Variants in ATR observed in about 807,000 individuals in gnomAD.
ATR encodes the protein serine/threonine-protein kinase ATR.
In ATR, 142 loss-of-function variants were observed where a neutral mutation model predicts 305.3. The observed-to-expected ratio is 0.47, with a 90% CI of 0.41 to 0.53. ATR has a LOEUF of 0.53. Among genes scored for constraint, ATR ranks in the 20% least tolerant of loss-of-function variants. ATR has a pLI of 0.00. For missense variants in ATR, 2,135 were observed against 3,133.1 expected, an observed-to-expected ratio of 0.68 and a Z score of 7.60; for synonymous variants, 1,050 against 1,068.1, an observed-to-expected ratio of 0.98 and a Z score of 0.33.
rs1418821927 is a variant in ATR, at chr3:142,498,739, G to C, written c.5416C>G (p.Gln1806Glu). Residue 1806 changes from glutamine to glutamate, a missense_variant, in exon 32 of 47, where the codon CAG becomes GAG. Transcript: ENST00000350721. ...CTTTTTTTGGCTGATAATAATAGCT[G>C]TCCCAGTCTGACACTCCATGTTGTA... Reference protein sequence around the residue: ...KSTTWSVRLGQLLLSAKKRDI... With the variant: ...KSTTWSVRLGELLLSAKKRDI... The C allele has an allele frequency of 6.2e-7, 1 of 1,614,040 alleles. No individual in the cohort carries two copies. The highest frequency in any genetic ancestry group is 8.5e-7 in the Non-Finnish European group (1 of 1,179,992).
intron 6 of ATR, 100 bp downstream of exon 6, chr3:142,560,163 T>G: frequency 8.5e-7 from 1 of 1,180,958 alleles, no homozygotes; most frequent in African/African-American, 1.5e-5. Context: ...GTGAAAAGTT[T>G]GTGTTCTAAG....
chr3:142,511,753 AAGG>A (rs2032580138), intron 27 of ATR, among the ~76,000 whole-genome samples: 1 of 152,160 alleles, frequency 6.6e-6, no homozygotes, highest in Non-Finnish European at 1.5e-5. Flanking sequence ...AGAAGAGAGA[AAGG>A]TCTTATTACT....
intron 35 of ATR, 45 bp downstream of exon 35, chr3:142,493,087 C>T (rs753001542): frequency 1.0e-5 from 16 of 1,586,818 alleles, no homozygotes; most frequent in African/African-American, 6.8e-5. Flanking sequence ...AGTCATTTTA[C>T]GTAGTCAACA....
intron 32 of ATR, 101 bp from the exon 33 acceptor site, chr3:142,497,293 T>C: frequency 1.6e-6 from 2 of 1,216,224 alleles, no homozygotes; most frequent in South Asian, 1.3e-5. Context: ...GAATTTAAAA[T>C]ACACAGTTGT....
chr3:142,574,239 C>T (rs1035993406), intron 1 of ATR, among the ~76,000 whole-genome samples: 15 of 151,614 alleles, frequency 9.9e-5, no homozygotes, highest in African/African-American at 3.4e-4. Flanking sequence ...CTGAGGTGGG[C>T]GGATCACTTG....
At chr3:142,514,697 C>T (rs1440054699) in intron 25 of ATR, among the ~76,000 whole-genome samples, 1 of 149,300 alleles carries the variant, frequency 6.7e-6, no homozygotes, top group Non-Finnish European at 1.5e-5. Context: ...ATCCCAGCTA[C>T]TCAGGAGGCT....
chr3:142,499,871 G>T, intron 30 of ATR, 153 bp from the exon 31 acceptor site: 2 of 634,142 alleles, frequency 3.2e-6, no homozygotes, highest in South Asian at 2.2e-5. Flanking sequence ...TCTCTATCCA[G>T]AAACTATCCA....
At chr3:142,563,458 G>C (rs2034957476) in intron 3 of ATR, among the ~76,000 whole-genome samples, 1 of 152,134 alleles carries the variant, frequency 6.6e-6, no homozygotes, top group Non-Finnish European at 1.5e-5. Flanking sequence ...CTGTTATGGT[G>C]ATCTGTGATC....
intron 46 of ATR, chr3:142,449,809 A>G (rs1407627159): frequency 2.7e-5 from 16 of 582,934 alleles, no homozygotes; most frequent in Non-Finnish European, 4.3e-5. Context: ...ATTCAACATC[A>G]ACTGCTTGGA....
intron 2 of ATR, among the ~76,000 whole-genome samples, chr3:142,566,749 CT>C (rs111327829): frequency 1.8e-3 from 258 of 145,350 alleles, no homozygotes; most frequent in Admixed American, 1.7e-3. Context: ...ACACTACAGT[CT>C]TTTTTTTTTT....
chr3:142,508,178 T>C lies in ATR; in HGVS notation c.4853-69A>G. 4.5e-6 allele frequency: 6 copies of C among 1,335,310 alleles called. No individual in the cohort carries two copies. The South Asian group carries it at 8.0e-5, about 18-fold the overall frequency. 82.7% of individuals were successfully genotyped at this position (1,335,310 alleles called of 1,614,324 possible). On this transcript the variant is annotated intron_variant, in intron 27 of 46. Transcript: ENST00000350721. ...AAATTTAAAAGTGTCAATTTAAGTATTTAAGTTCAATTTATTTCACTAAAC... is the reference window on the plus strand; with the variant it reads ...AAATTTAAAAGTGTCAATTTAAGTACTTAAGTTCAATTTATTTCACTAAAC...
chr3:142,469,601 A>C, intron 37 of ATR, 32 bp from the exon 38 acceptor site: 1 of 1,554,692 alleles, frequency 6.4e-7, no homozygotes, highest in Non-Finnish European at 8.9e-7. Context: ...AAAAACAATA[A>C]AGGAAAGAGA....
chr3:142,454,474 G>GCT (rs2070861733), intron 45 of ATR, among the ~76,000 whole-genome samples: 2 of 121,374 alleles, frequency 1.6e-5, no homozygotes, highest in African/African-American at 3.5e-5. Context: ...ACGGAGTCTC[G>GCT]CTGTCGCCCA....
At chr3:142,555,279 A>G (rs1292620740) in intron 10 of ATR, among the ~76,000 whole-genome samples, 2 of 74,324 alleles carry the variant, frequency 2.7e-5, no homozygotes, top group East Asian at 3.1e-4. Flanking sequence ...ACATTTCTCA[A>G]GGGGATCTTA....
intron 34 of ATR, among the ~76,000 whole-genome samples, chr3:142,494,025 CTCTG>C (rs1162997309): frequency 2.6e-5 from 4 of 151,066 alleles, no homozygotes; most frequent in African/African-American, 9.8e-5. Context: ...CAGAGCAAGA[CTCTG>C]TCTCTCTCAA....
At position 142,562,593 on chromosome 3, in the gene ATR, A is replaced by T; in HGVS notation, c.809T>A (p.Phe270Tyr). Residue 270 changes from phenylalanine to tyrosine, a missense_variant, in exon 4 of 47, where the codon TTC becomes TAC. Phe to Tyr is a conservative substitution (Grantham distance 22). Around this residue, in one of 9 missense-constraint regions of ATR, gnomAD observed 744 missense variants for 873.2 expected, o/e 0.85. Coordinates refer to ENST00000350721, the MANE Select transcript of ATR (RefSeq NM_001184.4). ...TTTTAATAATTCCAAAAATGAGCTGAAAAAAGTGCTAGCTGGTTGTGCTGG... is the reference window on the plus strand; with the variant it reads ...TTTTAATAATTCCAAAAATGAGCTGTAAAAAGTGCTAGCTGGTTGTGCTGG... ...GLPAQPASTF[F>Y]SSFLELLKHL... The T allele has an allele frequency of 6.2e-7, 1 of 1,614,040 alleles. No homozygotes were observed. Among genetic ancestry groups the T allele is most frequent in the Non-Finnish European group, 8.5e-7 (1 of 1,179,966 alleles).
intron 15 of ATR, among the ~76,000 whole-genome samples, 175 bp from the exon 16 acceptor site, chr3:142,548,085 A>G (rs1420808577): frequency 2.6e-5 from 4 of 152,238 alleles, no homozygotes; most frequent in African/African-American, 9.6e-5. Context: ...CTATCCTGGT[A>G]GGTCTCCCAT....
intron 21 of ATR, among the ~76,000 whole-genome samples, chr3:142,530,795 A>C (rs1305220959): frequency 9.9e-5 from 15 of 152,124 alleles, no homozygotes. Context: ...CTCCCAAGAA[A>C]CTGATTTTCA....
chr3:142,514,147 C>G (rs1409928240), intron 25 of ATR, among the ~76,000 whole-genome samples: 3 of 151,566 alleles, frequency 2.0e-5, no homozygotes, highest in Non-Finnish European at 4.4e-5. Context: ...GTGGCGGGTG[C>G]CTGTAGTTCC....
Sources: allele counts gnomAD v4.1 joint callset (sites outside exome capture counted in the v4.1 genomes callset), GRCh38; gene constraint gnomAD v4.1.1; regional missense constraint gnomAD v4.1.1; transcripts MANE v1.5; gene names NCBI Gene and HGNC (gene_info 2026-07-23, HGNC 2026-07-21).